TRAPPC8: variants seen among roughly 807,000 people sequenced by gnomAD.
The protein encoded by TRAPPC8 is general sporulation gene 1 homolog.
TRAPPC8 carries 54 observed loss-of-function variants against 174.3 expected under a neutral mutation model. That is an observed-to-expected ratio of 0.31 (90% CI 0.25 to 0.39). TRAPPC8 has a LOEUF of 0.39. Among genes scored for constraint, TRAPPC8 ranks in the 10% least tolerant of loss-of-function variants. TRAPPC8 has a pLI of 1.00. For synonymous variants in TRAPPC8, 630 were observed against 579.9 expected (o/e 1.09, Z -1.24); for missense variants, 1,531 against 1,699.1 (o/e 0.90, Z 1.74).
chr18:31,840,978 C>T (rs1259081862), intron 26 of TRAPPC8, among the ~76,000 whole-genome samples: 3 of 150,540 alleles, frequency 2.0e-5, no homozygotes, highest in Non-Finnish European at 3.0e-5. Flanking sequence ...TCAGTGGTAA[C>T]AGACAAGCAT....
At chr18:31,915,532 C>G (rs1231848120) in intron 4 of TRAPPC8, among the ~76,000 whole-genome samples, 2 of 149,758 alleles carry the variant, frequency 1.3e-5, no homozygotes, top group Non-Finnish European at 3.0e-5. Flanking sequence ...GAGGCCGAGG[C>G]GGGCAGATTA....
chr18:31,883,463 TAGA>T (rs2035558822), intron 12 of TRAPPC8: 1 of 152,182 alleles, frequency 6.6e-6, no homozygotes, highest in Non-Finnish European at 1.5e-5. Flanking sequence ...CTGTAACAGC[TAGA>T]AGACTTCCCA....
intron 9 of TRAPPC8, among the ~76,000 whole-genome samples, chr18:31,901,669 A>AT (rs1419313826): frequency 1.3e-5 from 2 of 152,224 alleles, no homozygotes; most frequent in African/African-American, 4.8e-5. Flanking sequence ...TCAGGCAAAT[A>AT]TAAGGGCACC....
rs541414644 is a variant in TRAPPC8 at position 31,900,633 on chromosome 18, CA to C, written c.1490+291del. On this transcript the variant is annotated intron_variant, in intron 10 of 28. Transcript: ENST00000283351. ...TTTTGCCTATTTAACAAAGAAAATGCAAAATGACTAATTCCTAACTTGATAG... is the reference window on the plus strand; with the variant it reads ...TTTTGCCTATTTAACAAAGAAAATGCAAATGACTAATTCCTAACTTGATAG... Among the ~76,000 whole-genome samples, 6 of 152,234 alleles carry C rather than the reference CA, an allele frequency of 3.9e-5. No homozygotes were observed. In the East Asian group the frequency reaches 1.2e-3, roughly 29 times the overall value.
chr18:31,857,690 T>G lies in TRAPPC8; in HGVS notation c.3038A>C (p.Glu1013Ala), dbSNP rs1219998570. The change falls in exon 20 of 29, where the codon GAG (glutamate) becomes GCG (alanine). Residue 1013 changes from glutamate to alanine, a missense_variant. Physicochemically the swap from Glu to Ala is moderately radical, Grantham distance 107 (BLOSUM62 -1). Coordinates refer to ENST00000283351, the MANE Select transcript of TRAPPC8 (RefSeq NM_014939.5). ...GTCAGGAAGGGGAACAGGAATCACC[T>G]CTGGTTGACTTCCTGTGCCAATGCC... ...DFGIGTGSQP[E>A]VIPVPLPDTV... 6.2e-7 allele frequency: 1 copy of G among 1,614,138 alleles called. No homozygotes were observed. The highest frequency in any genetic ancestry group is 8.5e-7 in the Non-Finnish European group (1 of 1,180,012).
In TRAPPC8 at chr18:31,867,055, A is replaced by G. The variant is rs1486974615; in HGVS notation, c.2464-80T>C. ...CAATACCTAATTCTATAATGTTGCA[A>G]AAACATAAACTCATGACCTAAACTT... On this transcript the variant is annotated intron_variant, in intron 17 of 28. Transcript: ENST00000283351. 3.4e-6 allele frequency: 5 copies of G among 1,461,622 alleles called. No homozygotes were observed. In the African/African-American group the frequency reaches 7.1e-5, roughly 21 times the overall value. The allele number at this position is 1,461,622 out of a possible 1,614,324, so 90.5% of individuals were successfully genotyped here.
chr18:31,870,633 A>G lies in TRAPPC8; in HGVS notation c.2258-131T>C. 3.0e-6 allele frequency: 3 copies of G among 997,588 alleles called. No homozygotes were observed. The East Asian group carries it at 7.4e-5, about 25-fold the overall frequency. 61.8% of individuals were successfully genotyped at this position (997,588 alleles called of 1,614,324 possible). On this transcript the variant is annotated intron_variant, in intron 15 of 28. Transcript: ENST00000283351. ...TAGACTGTCCTTTATTACCTTATAA[A>G]TGTCCACGTATTCAGGATTCTGTTG... is the stretch of plus-strand genomic sequence containing the variant.
rs1049565838 is a variant in TRAPPC8 at position 31,830,069 on chromosome 18, T to C, written c.*686A>G. ...CAGATCAACTCAATAGTTAACGTTA[T>C]ATAATAAAGAATATGGTAATTTTAA... On this transcript the variant is annotated 3_prime_UTR_variant, in exon 29 of 29. Transcript: ENST00000283351. 1 of 152,642 alleles carries C rather than the reference T, an allele frequency of 6.6e-6. No individual in the cohort carries two copies. Among genetic ancestry groups the C allele is most frequent in the African/African-American group, 2.4e-5 (1 of 41,450 alleles). 9.5% of individuals were successfully genotyped at this position (152,642 alleles called of 1,614,324 possible).
intron 12 of TRAPPC8, among the ~76,000 whole-genome samples, chr18:31,882,507 T>C (rs948875349): frequency 2.6e-5 from 4 of 152,108 alleles, no homozygotes; most frequent in African/African-American, 9.7e-5. Flanking sequence ...TACTGGATAA[T>C]ATATTCACTA....
intron 19 of TRAPPC8, among the ~76,000 whole-genome samples, chr18:31,862,822 G>A (rs989494957): frequency 1.3e-5 from 2 of 152,030 alleles, no homozygotes; most frequent in African/African-American, 2.4e-5. Flanking sequence ...TTGGGAGGCC[G>A]AGGTGGGCGG....
intron 5 of TRAPPC8, among the ~76,000 whole-genome samples, chr18:31,911,283 G>A (rs1273129746): frequency 1.3e-5 from 2 of 152,164 alleles, no homozygotes; most frequent in Admixed American, 6.5e-5. Context: ...CTGGGAGGCT[G>A]AGGCGTGTGG....
chr18:31,940,792 C>G (rs908806362), intron 1 of TRAPPC8, among the ~76,000 whole-genome samples: 8 of 152,078 alleles, frequency 5.3e-5, no homozygotes, highest in African/African-American at 1.7e-4. Context: ...CCACCGCGCC[C>G]GGCCGAAAAT....
intron 16 of TRAPPC8, among the ~76,000 whole-genome samples, chr18:31,869,846 C>T (rs770242661): frequency 3.2e-4 from 48 of 152,006 alleles, no homozygotes; most frequent in African/African-American, 1.1e-3. Flanking sequence ...CCCAGCACTT[C>T]GGGAGGCTGA....
At chr18:31,862,781 T>A (rs779820112) in intron 19 of TRAPPC8, among the ~76,000 whole-genome samples, 1 of 151,900 alleles carries the variant, frequency 6.6e-6, no homozygotes, top group Admixed American at 6.6e-5. Context: ...AGAAAGGAAA[T>A]AACATCCAAT....
chr18:31,855,793 C>T lies in TRAPPC8; in HGVS notation c.3203G>A (p.Arg1068Lys). Residue 1068 changes from arginine (R) to lysine (K), a missense_variant, in exon 21 of 29, where the codon AGA becomes AAA. Arg to Lys is a conservative substitution (Grantham distance 26). Coordinates refer to ENST00000283351, the MANE Select transcript of TRAPPC8 (RefSeq NM_014939.5). ...ACTGGTACAAATAATTGCAGTGTGT[C>T]TTAATATTCTGTGCCTGAAGTTAAA... The part of the protein sequence containing the change: ...KQPKIRHRIL[R>K]HTAIICTSRS... 6.4e-7 allele frequency: 1 copy of T among 1,573,364 alleles called. No individual in the cohort carries two copies. Among genetic ancestry groups the T allele is most frequent in the Non-Finnish European group, 8.6e-7 (1 of 1,165,682 alleles).
Position 31,915,469 on chromosome 18 carries a change from A to G in TRAPPC8, c.617+803T>C, listed in dbSNP as rs1413140342. The stretch of plus-strand genomic sequence containing the variant: ...CAAAGTGAAACCCCATCAAAAAAAA[A>G]GGGGGGGGGGGCGCAGGCGCAGTGG... On this transcript the variant is annotated intron_variant, in intron 4 of 28. Coordinates refer to ENST00000283351, the MANE Select transcript of TRAPPC8 (RefSeq NM_014939.5). Among the ~76,000 whole-genome samples the G allele has an allele frequency of 4.9e-3, 486 of 98,816 alleles. 2 individuals are homozygous for G. The highest frequency in any genetic ancestry group is 6.7e-3 in the Non-Finnish European group (328 of 48,942). 64.8% of individuals were successfully genotyped at this position (98,816 alleles called of 152,430 possible).
rs951289298 is a variant in TRAPPC8 at position 31,830,058 on chromosome 18, A to G, written c.*697T>C. 6.6e-6 allele frequency: 1 copy of G among 152,650 alleles called. No individual in the cohort carries two copies. The highest frequency in any genetic ancestry group is 1.5e-5 in the Non-Finnish European group (1 of 68,040). 9.5% of individuals were successfully genotyped at this position (152,650 alleles called of 1,614,324 possible). On this transcript the variant is annotated 3_prime_UTR_variant, in exon 29 of 29. Transcript: ENST00000283351. ...TATATTTTAAACAGATCAACTCAAT[A>G]GTTAACGTTATATAATAAAGAATAT... is the stretch of plus-strand genomic sequence containing the variant.
At chr18:31,866,758 C>A in intron 18 of TRAPPC8, 91 bp downstream of exon 18, 1 of 1,445,254 alleles carries the variant, frequency 6.9e-7, no homozygotes, top group Non-Finnish European at 9.3e-7. Flanking sequence ...TACATTAAAC[C>A]TATTTAGAAA....
chr18:31,864,141 A>G (rs535546033), intron 19 of TRAPPC8, among the ~76,000 whole-genome samples: 2 of 150,720 alleles, frequency 1.3e-5, no homozygotes, highest in East Asian at 1.9e-4. Flanking sequence ...TAAATAATAC[A>G]TTTCTCTTTC....
Sources: allele counts gnomAD v4.1 joint callset (sites outside exome capture counted in the v4.1 genomes callset), GRCh38; gene constraint gnomAD v4.1.1; transcripts MANE v1.5; gene names NCBI Gene and HGNC (gene_info 2026-07-23, HGNC 2026-07-21).